The following IGF1R variants were observed in gnomAD, a reference collection of about 807,000 sequenced individuals.
The protein encoded by IGF1R is insulin-like growth factor 1 receptor.
IGF1R carries 44 observed loss-of-function variants against 144.6 expected under a neutral mutation model. The ratio of observed to expected loss-of-function variants is 0.30; its 90% CI spans 0.24 to 0.39. IGF1R has a LOEUF of 0.39. Ranked by LOEUF, IGF1R falls within the 10% of genes least tolerant of loss-of-function variation. The pLI, the probability that IGF1R is intolerant of heterozygous loss-of-function variation, is 1.00. For missense variants in IGF1R, 1,355 were observed against 1,833.7 expected, an observed-to-expected ratio of 0.74 and a Z score of 4.77; for synonymous variants, 795 against 722.8, an observed-to-expected ratio of 1.10 and a Z score of -1.60.
intron 5 of IGF1R, among the ~76,000 whole-genome samples, chr15:98,908,229 A>G (rs1189621204): frequency 6.6e-6 from 1 of 152,176 alleles, no homozygotes; most frequent in Non-Finnish European, 1.5e-5. Flanking sequence ...CTCCTATCCC[A>G]TCATGCTGCT....
intron 1 of IGF1R, among the ~76,000 whole-genome samples, chr15:98,653,002 A>G (rs2052406982): frequency 6.6e-6 from 1 of 151,316 alleles, no homozygotes; most frequent in Non-Finnish European, 1.5e-5. Flanking sequence ...AAATTACGTT[A>G]AAATTATTAC....
intron 2 of IGF1R, among the ~76,000 whole-genome samples, chr15:98,751,287 A>G (rs1157043590): frequency 6.6e-6 from 1 of 152,150 alleles, no homozygotes; most frequent in Non-Finnish European, 1.5e-5. Context: ...TGAAGCCTTG[A>G]GCTCCTGGCT....
rs149697077 is a variant in IGF1R at position 98,702,504 on chromosome 15, C to T, written c.95-5058C>T. On this transcript the variant is annotated intron_variant, in intron 1 of 20. Coordinates refer to ENST00000650285, the MANE Select transcript of IGF1R (RefSeq NM_000875.5). ...TAGCTGGGATTACAGGCGTGCACCA[C>T]CACGCCTGGCTAATTTTTGTATTTT... Among the ~76,000 whole-genome samples the T allele has an allele frequency of 6.0e-3, 919 of 152,220 alleles. 4 individuals are homozygous for T. The highest frequency in any genetic ancestry group is 9.5e-3 in the Non-Finnish European group (644 of 68,014).
At chr15:98,844,021 A>G (rs1338441067) in intron 2 of IGF1R, among the ~76,000 whole-genome samples, 1 of 152,228 alleles carries the variant, frequency 6.6e-6, no homozygotes, top group East Asian at 1.9e-4. Flanking sequence ...TTAATCAAAA[A>G]TCAATTTATG....
chr15:98,896,366 G>A (rs1327545558), intron 3 of IGF1R, among the ~76,000 whole-genome samples: 1 of 152,152 alleles, frequency 6.6e-6, no homozygotes, highest in African/African-American at 2.4e-5. Context: ...ACACAGGCCA[G>A]GGTCACAGTA....
Position 98,755,445 on chromosome 15 carries a change from A to G in IGF1R, c.640+47338A>G, listed in dbSNP as rs1309186455. On this transcript the variant is annotated intron_variant, in intron 2 of 20. Coordinates refer to ENST00000650285, the MANE Select transcript of IGF1R (RefSeq NM_000875.5). ...ACATCCATCTTTGCTGGTACTATAGAAAAGTGTATTGCTGGCTGGGCATGG... is the reference window on the plus strand; with the variant it reads ...ACATCCATCTTTGCTGGTACTATAGGAAAGTGTATTGCTGGCTGGGCATGG... Among the ~76,000 whole-genome samples, 4 of 152,038 alleles carry G rather than the reference A, an allele frequency of 2.6e-5. No homozygotes were observed. The East Asian group carries it at 7.7e-4, about 29-fold the overall frequency.
intron 2 of IGF1R, among the ~76,000 whole-genome samples, chr15:98,830,519 T>G (rs1483325798): frequency 6.6e-6 from 1 of 152,168 alleles, no homozygotes; most frequent in African/African-American, 2.4e-5. Flanking sequence ...ACTGGGTAAT[T>G]TATAAAGAAA....
intron 17 of IGF1R, among the ~76,000 whole-genome samples, chr15:98,937,634 G>A (rs1439932485): frequency 6.6e-6 from 1 of 152,214 alleles, no homozygotes; most frequent in African/African-American, 2.4e-5. Flanking sequence ...ACGAGTAGGT[G>A]TATATGTATA....
At chr15:98,692,552 G>T (rs533759968) in intron 1 of IGF1R, among the ~76,000 whole-genome samples, 1 of 152,266 alleles carries the variant, frequency 6.6e-6, no homozygotes, top group East Asian at 1.9e-4. Context: ...TGTCAGAAGT[G>T]TATTTATTTA....
At chr15:98,821,043 G>A (rs1311098757) in intron 2 of IGF1R, 1 of 152,168 alleles carries the variant, frequency 6.6e-6, no homozygotes, top group Non-Finnish European at 1.5e-5. Flanking sequence ...TGTAAATGCT[G>A]ATGCCGAATC....
chr15:98,764,415 A>G (rs778491485), intron 2 of IGF1R, among the ~76,000 whole-genome samples: 13 of 152,228 alleles, frequency 8.5e-5, no homozygotes, highest in Admixed American at 2.6e-4. Flanking sequence ...ATGTGCTAAA[A>G]TAATTAACCT....
chr15:98,835,080 TACACACACACAC>T (rs34443123), intron 2 of IGF1R, among the ~76,000 whole-genome samples: 10 of 130,440 alleles, frequency 7.7e-5, no homozygotes, highest in Admixed American at 3.7e-4. Flanking sequence ...ACACCCCCCC[TACACACACACAC>T]ACACACACAC....
intron 1 of IGF1R, among the ~76,000 whole-genome samples, chr15:98,692,292 C>T (rs143185570): frequency 8.5e-5 from 13 of 152,246 alleles, no homozygotes; most frequent in African/African-American, 3.1e-4. Context: ...GAGCCGAGAT[C>T]GTGCCACTGC....
At chr15:98,664,801 G>A (rs1023306004) in intron 1 of IGF1R, among the ~76,000 whole-genome samples, 1 of 151,642 alleles carries the variant, frequency 6.6e-6, no homozygotes, top group Admixed American at 6.6e-5. Flanking sequence ...CTAGGAGTTA[G>A]CTGATACTAT....
At chr15:98,837,538 T>G (rs2011108849) in intron 2 of IGF1R, among the ~76,000 whole-genome samples, 1 of 150,888 alleles carries the variant, frequency 6.6e-6, no homozygotes, top group Non-Finnish European at 1.5e-5. Context: ...CCTTCACCAA[T>G]TTTTAAATTT....
rs140430148 is a variant in IGF1R, at chr15:98,883,313, T to C, written c.641-8012T>C. 6.5e-3 allele frequency among the ~76,000 whole-genome samples: 997 copies of C among 152,348 alleles called. 8 individuals carry two copies. Among genetic ancestry groups the C allele is most frequent in the African/African-American group, 0.023 (958 of 41,568 alleles). ...AGGCAGTGGCTCAGTGGGGTTTTTT[T>C]CCAACCATTCCTTAGGATGACCAGA... On this transcript the variant is annotated intron_variant, in intron 2 of 20. Coordinates refer to ENST00000650285, the MANE Select transcript of IGF1R (RefSeq NM_000875.5).
intron 1 of IGF1R, among the ~76,000 whole-genome samples, chr15:98,679,821 C>T (rs1367424695): frequency 6.6e-6 from 1 of 151,974 alleles, no homozygotes; most frequent in Non-Finnish European, 1.5e-5. Context: ...GGGTTACTGC[C>T]CCTGTAGACT....
chr15:98,702,558 C>T (rs1055889965), intron 1 of IGF1R, among the ~76,000 whole-genome samples: 9 of 152,106 alleles, frequency 5.9e-5, no homozygotes, highest in African/African-American at 2.2e-4. Context: ...AAACTCTTGG[C>T]CTCAAGCGAT....
At chr15:98,897,106 C>T (rs1384592531) in intron 4 of IGF1R, among the ~76,000 whole-genome samples, 1 of 152,086 alleles carries the variant, frequency 6.6e-6, no homozygotes, top group Non-Finnish European at 1.5e-5. Context: ...GTCTTTTAGC[C>T]ATTGGCACGT....
Sources: allele counts gnomAD v4.1 joint callset (sites outside exome capture counted in the v4.1 genomes callset), GRCh38; gene constraint gnomAD v4.1.1; transcripts MANE v1.5; gene names NCBI Gene and HGNC (gene_info 2026-07-23, HGNC 2026-07-21).